Variants in SCN11A observed in about 807,000 individuals in gnomAD.
SCN11A encodes the protein sodium channel protein type 11 subunit alpha.
A neutral mutation model predicts 162.2 loss-of-function variants in SCN11A; 122 were observed. That is an observed-to-expected ratio of 0.75 (90% confidence interval 0.65 to 0.87). SCN11A has a LOEUF of 0.87. Ranked by LOEUF, SCN11A falls within the 40% of genes least tolerant of loss-of-function variation. The pLI is 0.00. For synonymous variants in SCN11A, 758 were observed against 751.5 expected (o/e 1.01, Z -0.14); for missense variants, 2,015 against 2,181.6 (o/e 0.92, Z 1.52).
intron 3 of SCN11A, among the ~76,000 whole-genome samples, 138 bp from the exon 4 acceptor site, chr3:38,953,897 G>A (rs73828755): frequency 0.016 from 2,431 of 152,270 alleles, 67 homozygotes; most frequent in African/African-American, 0.056. Context: ...GCACCATACT[G>A]AAGAGGCATC....
At chr3:38,967,993 G>A (rs1481442750) in intron 2 of SCN11A, among the ~76,000 whole-genome samples, 3 of 152,174 alleles carry the variant, frequency 2.0e-5, no homozygotes, top group African/African-American at 7.2e-5. Flanking sequence ...GCTAACCCTA[G>A]CTAGTATAAG....
intron 9 of SCN11A, 104 bp downstream of exon 9, chr3:38,925,311 G>C (rs924807474): frequency 2.7e-6 from 2 of 734,952 alleles, no homozygotes; most frequent in Non-Finnish European, 2.3e-6. Flanking sequence ...TGTAAAGCAG[G>C]CTTTGTTTGT....
intron 2 of SCN11A, among the ~76,000 whole-genome samples, chr3:38,998,369 G>A (rs557161941): frequency 4.6e-5 from 7 of 152,208 alleles, no homozygotes; most frequent in East Asian, 1.9e-4. Flanking sequence ...GTCTGGAATC[G>A]GGTTTGCAAT....
intron 3 of SCN11A, among the ~76,000 whole-genome samples, chr3:38,957,686 G>A (rs577717179): frequency 1.1e-4 from 16 of 152,302 alleles, no homozygotes; most frequent in Admixed American, 2.6e-4. Flanking sequence ...CACTCCTGCC[G>A]AATAGACAGA....
intron 2 of SCN11A, among the ~76,000 whole-genome samples, chr3:38,961,485 G>C (rs2066740457): frequency 1.3e-5 from 2 of 152,126 alleles, no homozygotes; most frequent in Admixed American, 6.5e-5. Flanking sequence ...GCCTGGCATG[G>C]AGCATATGGC....
At chr3:38,902,805 C>G (rs1029635928) in intron 16 of SCN11A, among the ~76,000 whole-genome samples, 1 of 151,952 alleles carries the variant, frequency 6.6e-6, no homozygotes, top group South Asian at 2.1e-4. Context: ...GCGTGAGCCA[C>G]TGTGCTCGGC....
chr3:39,014,449 C>A (rs778451883), intron 2 of SCN11A, among the ~76,000 whole-genome samples: 1 of 152,130 alleles, frequency 6.6e-6, no homozygotes, highest in Non-Finnish European at 1.5e-5. Context: ...TGTGCTCTTG[C>A]CAGGAGAGAA....
chr3:38,932,476 G>A (rs2066257280), intron 7 of SCN11A, among the ~76,000 whole-genome samples: 1 of 152,210 alleles, frequency 6.6e-6, no homozygotes, highest in African/African-American at 2.4e-5. Flanking sequence ...GTCAAAGAAA[G>A]GGGTGAGAGA....
chr3:38,855,724 C>A (rs965427894), intron 28 of SCN11A, among the ~76,000 whole-genome samples: 3 of 152,164 alleles, frequency 2.0e-5, no homozygotes, highest in Non-Finnish European at 2.9e-5. Flanking sequence ...AGTCTGTCCA[C>A]GTGACAACTT....
chr3:39,008,615 G>A (rs532350589), intron 2 of SCN11A, among the ~76,000 whole-genome samples: 75 of 152,262 alleles, frequency 4.9e-4, no homozygotes, highest in African/African-American at 1.6e-3. Flanking sequence ...GGAGCTGGGC[G>A]CAGTGGCTCA....
At chr3:38,874,146 G>A (rs951789382) in intron 23 of SCN11A, among the ~76,000 whole-genome samples, 16 of 152,142 alleles carry the variant, frequency 1.1e-4, no homozygotes, top group South Asian at 2.1e-4. Context: ...AATATAGTGC[G>A]AAATATTCCC....
chr3:39,041,862 C>G (rs1030592189), intron 1 of SCN11A, among the ~76,000 whole-genome samples: 2 of 152,130 alleles, frequency 1.3e-5, no homozygotes, highest in African/African-American at 4.8e-5. Flanking sequence ...TTCAAAACAA[C>G]TAGAAAACAA....
chr3:38,940,918 T>C (rs2066433498), intron 7 of SCN11A, among the ~76,000 whole-genome samples: 1 of 152,132 alleles, frequency 6.6e-6, no homozygotes, highest in Non-Finnish European at 1.5e-5. Flanking sequence ...CCACAGATAA[T>C]GAGTATTAAA....
At chr3:39,012,970 T>C (rs1171213745) in intron 2 of SCN11A, among the ~76,000 whole-genome samples, 1 of 152,244 alleles carries the variant, frequency 6.6e-6, no homozygotes, top group Non-Finnish European at 1.5e-5. Context: ...TTTCTACAGT[T>C]TCTACTGCAA....
At chr3:38,966,807 T>A (rs1173634716) in intron 2 of SCN11A, among the ~76,000 whole-genome samples, 2 of 152,246 alleles carry the variant, frequency 1.3e-5, no homozygotes, top group Non-Finnish European at 2.9e-5. Flanking sequence ...CCTTGGCTTC[T>A]GTGAAGCCTT....
At chr3:38,990,985 T>C (rs1172331378) in intron 2 of SCN11A, among the ~76,000 whole-genome samples, 10 of 152,120 alleles carry the variant, frequency 6.6e-5, no homozygotes, top group Non-Finnish European at 4.4e-5. Flanking sequence ...CAGTGGCCAA[T>C]CACATCTTTC....
intron 23 of SCN11A, among the ~76,000 whole-genome samples, chr3:38,874,688 T>G (rs1329048919): frequency 2.6e-5 from 4 of 152,198 alleles, no homozygotes; most frequent in Non-Finnish European, 2.9e-5. Flanking sequence ...TCATCATACG[T>G]TTATTCCTTT....
At chr3:38,871,346 A>G (rs149265782) in intron 25 of SCN11A, 99 bp downstream of exon 25, 36 of 1,203,934 alleles carry the variant, frequency 3.0e-5, no homozygotes, top group Middle Eastern at 4.1e-4. Context: ...TGCTTCTATT[A>G]TCACAATGGA....
rs1455267060 is a variant in SCN11A, at chr3:38,926,707, T to C, written c.617+96A>G. ...AGCTCTAGGCATTACTAGGCCATAC[T>C]CAGCCACTCAAATGGATCCACACAG... On this transcript the variant is annotated intron_variant, in intron 8 of 29. Coordinates refer to ENST00000302328, the MANE Select transcript of SCN11A (RefSeq NM_001349253.2). The C allele has an allele frequency of 3.9e-6, 5 of 1,271,694 alleles. No individual in the cohort carries two copies. The African/African-American group carries it at 6.0e-5, about 15-fold the overall frequency. The allele number at this position is 1,271,694 out of a possible 1,614,324, so 78.8% of individuals were successfully genotyped here. A position where few individuals can be genotyped will look rare whatever the true frequency, so the allele number is the denominator to read the frequency against.
Sources: allele counts gnomAD v4.1 joint callset (sites outside exome capture counted in the v4.1 genomes callset), GRCh38; gene constraint gnomAD v4.1.1; transcripts MANE v1.5; gene names NCBI Gene and HGNC (gene_info 2026-07-23, HGNC 2026-07-21).